Variants in CHSY3 observed in about 807,000 individuals in gnomAD.
The protein encoded by CHSY3 is N-acetylgalactosaminyl-proteoglycan 3-beta-glucuronosyltransferase 3.
Under a neutral mutation model 67.2 loss-of-function variants are expected in CHSY3, and 35 were observed. The observed-to-expected ratio is 0.52, with a 90% CI of 0.40 to 0.69. The LOEUF is 0.69. CHSY3 is among the 30% of genes least tolerant of loss of function. The pLI is 0.00. For synonymous variants in CHSY3, 474 were observed against 434.7 expected (o/e 1.09, Z -1.12); for missense variants, 1,069 against 1,138.5 (o/e 0.94, Z 0.88).
intron 2 of CHSY3, among the ~76,000 whole-genome samples, chr5:130,145,686 T>C (rs938611808): frequency 6.6e-6 from 1 of 152,138 alleles, no homozygotes; most frequent in Non-Finnish European, 1.5e-5. Context: ...AGAAAAATAT[T>C]TGCAAACTAT....
At chr5:130,003,451 C>T (rs1223174404) in intron 2 of CHSY3, among the ~76,000 whole-genome samples, 5 of 152,008 alleles carry the variant, frequency 3.3e-5, no homozygotes, top group African/African-American at 1.2e-4. Context: ...TATCATAAGC[C>T]TTGTTGTAGG....
intron 2 of CHSY3, among the ~76,000 whole-genome samples, chr5:129,970,423 TAG>T (rs1762606149): frequency 6.6e-6 from 1 of 151,176 alleles, no homozygotes; most frequent in South Asian, 2.1e-4. Context: ...GATAGATAGA[TAG>T]ATAGATAGAT....
At chr5:130,059,505 A>G (rs1765642109) in intron 2 of CHSY3, among the ~76,000 whole-genome samples, 1 of 150,696 alleles carries the variant, frequency 6.6e-6, no homozygotes. Context: ...ATTTCACTAG[A>G]GAACCCTGAC....
chr5:130,128,648 C>G (rs762430119), intron 2 of CHSY3, among the ~76,000 whole-genome samples: 6 of 151,980 alleles, frequency 3.9e-5, no homozygotes, highest in Non-Finnish European at 7.4e-5. Context: ...AAGAGTACAT[C>G]TTATAGTAAG....
chr5:130,036,845 A>G (rs1294483228), intron 2 of CHSY3, among the ~76,000 whole-genome samples: 1 of 152,122 alleles, frequency 6.6e-6, no homozygotes, highest in Non-Finnish European at 1.5e-5. Context: ...TGTTAAAGAT[A>G]GAAGAATAAC....
chr5:129,995,181 G>C (rs1763498747), intron 2 of CHSY3, among the ~76,000 whole-genome samples: 1 of 152,004 alleles, frequency 6.6e-6, no homozygotes, highest in East Asian at 1.9e-4. Flanking sequence ...ATATTTCTTT[G>C]ATTATTGTTA....
At chr5:129,976,486 C>G (rs149344070) in intron 2 of CHSY3, among the ~76,000 whole-genome samples, 316 of 152,182 alleles carry the variant, frequency 2.1e-3, no homozygotes, top group African/African-American at 6.5e-3. Context: ...GAGTGTCCAC[C>G]TAAAAATACA....
At chr5:130,109,336 T>G (rs79665032) in intron 2 of CHSY3, among the ~76,000 whole-genome samples, 2,580 of 151,706 alleles carry the variant, frequency 0.017, 77 homozygotes, top group African/African-American at 0.057. Context: ...ACTTTCTACT[T>G]CATTTCCACT....
rs150918553 is a variant in CHSY3, at chr5:130,067,765, T to A, written c.1087-116464T>A. 2.1e-3 allele frequency among the ~76,000 whole-genome samples: 313 copies of A among 152,278 alleles called. 3 individuals are homozygous for A. Among genetic ancestry groups the A allele is most frequent in the African/African-American group, 6.9e-3 (286 of 41,582 alleles). On this transcript the variant is annotated intron_variant, in intron 2 of 2. Transcript: ENST00000305031. ...ATGAGTGATTATGTATGTTTGTATA[T>A]CTGCTTTTGTGTTTACATGATTGTG...
chr5:130,100,527 G>A (rs191819098), intron 2 of CHSY3, among the ~76,000 whole-genome samples: 6 of 152,156 alleles, frequency 3.9e-5, no homozygotes, highest in South Asian at 2.1e-4. Context: ...CAAAGTATCC[G>A]ATTGTCAGCA....
chr5:130,060,926 A>T (rs1765691568), intron 2 of CHSY3, among the ~76,000 whole-genome samples: 1 of 152,154 alleles, frequency 6.6e-6, no homozygotes, highest in South Asian at 2.1e-4. Flanking sequence ...AACACAAACA[A>T]AAAGAAAGAC....
At chr5:130,157,205 A>T (rs1295921174) in intron 2 of CHSY3, among the ~76,000 whole-genome samples, 2 of 152,224 alleles carry the variant, frequency 1.3e-5, no homozygotes, top group African/African-American at 4.8e-5. Context: ...GATTAATAGA[A>T]TAAATGTTAG....
chr5:130,004,388 TTC>T (rs1295193930), intron 2 of CHSY3, among the ~76,000 whole-genome samples: 1 of 152,216 alleles, frequency 6.6e-6, no homozygotes, highest in African/African-American at 2.4e-5. Context: ...AGTGATATAT[TTC>T]TGTTACTTTG....
At chr5:130,164,572 A>G (rs540939694) in intron 2 of CHSY3, among the ~76,000 whole-genome samples, 1 of 152,294 alleles carries the variant, frequency 6.6e-6, no homozygotes, top group Non-Finnish European at 1.5e-5. Context: ...GACCAGATTT[A>G]TTCTGGTTGG....
chr5:130,056,228 T>C (rs1765527950), intron 2 of CHSY3, among the ~76,000 whole-genome samples: 1 of 151,858 alleles, frequency 6.6e-6, no homozygotes, highest in African/African-American at 2.4e-5. Context: ...ACTCAGGTGG[T>C]TCAAGAAAAA....
chr5:130,169,122 A>AT (rs1461816835), intron 2 of CHSY3, among the ~76,000 whole-genome samples: 1 of 151,786 alleles, frequency 6.6e-6, no homozygotes, highest in Non-Finnish European at 1.5e-5. Flanking sequence ...CATGGTTTCC[A>AT]TTTTTTTTGT....
chr5:130,020,937 ATATTCT>A (rs1401769769), intron 2 of CHSY3, among the ~76,000 whole-genome samples: 4 of 152,016 alleles, frequency 2.6e-5, no homozygotes, highest in Non-Finnish European at 5.9e-5. Flanking sequence ...ACTCTTTGGT[ATATTCT>A]TAAGAGAAGG....
chr5:129,943,982 A>T (rs1761772340), intron 2 of CHSY3, among the ~76,000 whole-genome samples: 1 of 152,224 alleles, frequency 6.6e-6, no homozygotes, highest in African/African-American at 2.4e-5. Flanking sequence ...CTACTATTCC[A>T]TGCTGCTTCT....
chr5:130,126,686 G>A (rs1022937909), intron 2 of CHSY3, among the ~76,000 whole-genome samples: 7 of 152,078 alleles, frequency 4.6e-5, no homozygotes, highest in African/African-American at 1.4e-4. Context: ...AATCTTGAAT[G>A]GTCGAATCAT....
Sources: gnomAD v4.1 joint callset for allele counts (sites outside exome capture counted in the v4.1 genomes callset) on GRCh38, gnomAD v4.1.1 for gene constraint, MANE v1.5 for transcripts, NCBI Gene and HGNC (gene_info 2026-07-23, HGNC 2026-07-21) for gene names.